UNC79: variants seen among roughly 807,000 people sequenced by gnomAD.
UNC79 encodes the protein unc-79 subunit of NALCN channel complex, also known as protein unc-79 homolog.
In UNC79, 37 loss-of-function variants were observed where a neutral mutation model predicts 283.1. That is an observed-to-expected ratio of 0.13 (90% CI 0.10 to 0.17). UNC79 has a LOEUF of 0.17. UNC79 is among the 10% of genes least tolerant of loss of function. The pLI is 1.00. For missense variants in UNC79, 2,272 were observed against 3,211.1 expected (o/e 0.71, Z 7.07); for synonymous variants, 1,107 against 1,200.2 (o/e 0.92, Z 1.61).
intron 3 of UNC79, among the ~76,000 whole-genome samples, chr14:93,476,290 TG>T (rs756765885): frequency 4.6e-5 from 7 of 152,214 alleles, no homozygotes; most frequent in Non-Finnish European, 1.0e-4. Context: ...CAGGTGATCC[TG>T]AACAATCACC....
intron 1 of UNC79, chr14:93,347,452 C>T: frequency 7.2e-7 from 1 of 1,391,292 alleles, no homozygotes; most frequent in South Asian, 1.6e-5. Flanking sequence ...GGCGGGGCGC[C>T]CCGACGGGTG....
At chr14:93,478,660 G>A (rs2057940798) in intron 4 of UNC79, among the ~76,000 whole-genome samples, 1 of 152,142 alleles carries the variant, frequency 6.6e-6, no homozygotes, top group South Asian at 2.1e-4. Context: ...GGTTAACTTG[G>A]AACATTGGTA....
chr14:93,339,145 A>G (rs1051445678), intron 1 of UNC79, among the ~76,000 whole-genome samples: 1 of 152,178 alleles, frequency 6.6e-6, no homozygotes, highest in African/African-American at 2.4e-5. Context: ...AGACTCCATC[A>G]TATATTTTAA....
intron 1 of UNC79, among the ~76,000 whole-genome samples, chr14:93,455,912 TTGTG>T (rs10654684): frequency 0.06 from 8,691 of 144,120 alleles, 322 homozygotes; most frequent in Admixed American, 0.13. Flanking sequence ...GTACAATGGA[TTGTG>T]TGTGTGTGTG....
intron 26 of UNC79, among the ~76,000 whole-genome samples, chr14:93,606,776 C>G (rs2065916888): frequency 6.6e-6 from 1 of 152,166 alleles, no homozygotes; most frequent in African/African-American, 2.4e-5. Context: ...ATAGAAAATT[C>G]TGTTTTCTAT....
At chr14:93,454,048 CTTTT>C (rs35564821) in intron 1 of UNC79, among the ~76,000 whole-genome samples, 4 of 137,160 alleles carry the variant, frequency 2.9e-5, no homozygotes, top group Admixed American at 7.3e-5. Flanking sequence ...CTTTTTAAAT[CTTTT>C]TTTTTTTTTT....
At chr14:93,558,593 A>ATTTTTTTTTTTTTTTTTTTTTTTTTTT (rs71129647) in intron 14 of UNC79, among the ~76,000 whole-genome samples, 1 of 62,764 alleles carries the variant, frequency 1.6e-5, no homozygotes, top group Non-Finnish European at 2.6e-5. Flanking sequence ...AGAAACAGGG[A>ATTTTTTTTTTTTTTTTTTTTTTTTTTT]TTTTTTTTTT....
intron 1 of UNC79, among the ~76,000 whole-genome samples, chr14:93,356,112 C>T (rs188067374): frequency 2.0e-5 from 3 of 151,764 alleles, no homozygotes; most frequent in African/African-American, 4.8e-5. Flanking sequence ...ACTGCAACCT[C>T]CGCCTCCCGG....
At chr14:93,654,814 A>G (rs1596254973) in intron 37 of UNC79, among the ~76,000 whole-genome samples, 1 of 151,996 alleles carries the variant, frequency 6.6e-6, no homozygotes, top group African/African-American at 2.4e-5. Context: ...GGATCAAGAG[A>G]CTTGGGTTCA....
chr14:93,339,713 G>C (rs1182800410), intron 1 of UNC79, among the ~76,000 whole-genome samples: 3 of 152,232 alleles, frequency 2.0e-5, no homozygotes, highest in Non-Finnish European at 2.9e-5. Flanking sequence ...GTTGATGACT[G>C]TCTGGATTAG....
chr14:93,362,259 T>A (rs2054243204), intron 1 of UNC79, among the ~76,000 whole-genome samples: 1 of 152,204 alleles, frequency 6.6e-6, no homozygotes, highest in Non-Finnish European at 1.5e-5. Context: ...TCAGTAGGAC[T>A]AGTACCAGTT....
At chr14:93,658,103 G>A (rs1239838530) in intron 38 of UNC79, among the ~76,000 whole-genome samples, 4 of 152,224 alleles carry the variant, frequency 2.6e-5, no homozygotes, top group Admixed American at 6.5e-5. Flanking sequence ...GAAGGCACTT[G>A]TGAAATACTT....
chr14:93,438,570 G>A (rs1354047847), intron 1 of UNC79, among the ~76,000 whole-genome samples: 3 of 151,704 alleles, frequency 2.0e-5, no homozygotes, highest in African/African-American at 4.8e-5. Flanking sequence ...TAAAATTTTT[G>A]TGGGGAATTT....
At chr14:93,630,806 T>C (rs1191608342) in exon 31 of UNC79, 3 of 1,613,590 alleles carry the variant, frequency 1.9e-6, no homozygotes, top group Non-Finnish European at 2.5e-6. Flanking sequence ...TGTAGATCCT[T>C]CTACTAAAGG....
Position 93,617,407 on chromosome 14 carries a change from T to C in UNC79, c.4224+103T>C. ...CTTTAGTTGAAAATTTTGTAGAAGT[T>C]TGACCTTCAGAAGGAAGATCAGGAT... On this transcript the variant is annotated intron_variant, in intron 28 of 48. Coordinates refer to ENST00000555664, the Ensembl canonical transcript of UNC79. This position sits in a 1 kb window ranked among gnomAD's most constrained non-coding sequence, Gnocchi z 4.5. 1 of 1,280,146 alleles carries C rather than the reference T, an allele frequency of 7.8e-7. No individual in the cohort carries two copies. The highest frequency in any genetic ancestry group is 1.7e-5 in the South Asian group (1 of 57,966). 79.3% of individuals were successfully genotyped at this position (1,280,146 alleles called of 1,614,324 possible).
chr14:93,675,487 G>A (rs944263579), intron 41 of UNC79, among the ~76,000 whole-genome samples: 3 of 152,160 alleles, frequency 2.0e-5, no homozygotes, highest in African/African-American at 7.2e-5. Flanking sequence ...ATAGTGCAAC[G>A]GGTACAGTAG....
chr14:93,340,921 G>C (rs1181081526), intron 1 of UNC79, among the ~76,000 whole-genome samples: 2 of 152,102 alleles, frequency 1.3e-5, no homozygotes, highest in East Asian at 3.9e-4. Context: ...CGCAGCTTCA[G>C]GCTACACTTA....
chr14:93,646,119 T>C (rs996583347), intron 34 of UNC79, among the ~76,000 whole-genome samples: 2 of 152,202 alleles, frequency 1.3e-5, no homozygotes, highest in Non-Finnish European at 2.9e-5. Context: ...ACTTAACCAA[T>C]ACATTTCTCT....
chr14:93,546,490 G>T (rs536535005), intron 14 of UNC79, among the ~76,000 whole-genome samples: 28 of 152,184 alleles, frequency 1.8e-4, no homozygotes, highest in Non-Finnish European at 3.2e-4. Flanking sequence ...TAGCTATAAT[G>T]CTATGAAAAT....
Sources: allele counts gnomAD v4.1 joint callset (sites outside exome capture counted in the v4.1 genomes callset), GRCh38; gene constraint gnomAD v4.1.1; non-coding constraint Gnocchi (gnomAD v3.1); transcripts MANE v1.5; gene names NCBI Gene and HGNC (gene_info 2026-07-23, HGNC 2026-07-21).